The following COPG2 variants were observed in gnomAD, a reference collection of about 807,000 sequenced individuals.
The protein encoded by COPG2 is coat protein complex I subunit gamma 2.
Under a neutral mutation model 46.3 loss-of-function variants are expected in COPG2, and 37 were observed. That is an observed-to-expected ratio of 0.80 (90% CI 0.61 to 1.05). The LOEUF (loss-of-function observed/expected upper bound fraction) is 1.05. COPG2 is among the 50% of genes least tolerant of loss of function. The probability of loss-of-function intolerance (pLI) is 0.00; values close to 1 mark genes in which losing one functional copy is unlikely to be tolerated. For synonymous variants in COPG2, 159 were observed against 129.7 expected (o/e 1.23, Z -1.53); for missense variants, 427 against 387.8 (o/e 1.10, Z -0.85).
chr7:130,549,616 G>A (rs1045624203), intron 17 of COPG2, among the ~76,000 whole-genome samples: 1 of 152,136 alleles, frequency 6.6e-6, no homozygotes, highest in African/African-American at 2.4e-5. Flanking sequence ...GCTTTAAATG[G>A]ACTGGAATGT....
rs1267044664 is a variant in COPG2 at position 130,606,992 on chromosome 7, G to T, written c.737+3961C>A. 5.3e-5 allele frequency among the ~76,000 whole-genome samples: 8 copies of T among 152,194 alleles called. No individual in the cohort carries two copies. The South Asian group carries it at 1.7e-3, about 32-fold the overall frequency. On this transcript the variant is annotated intron_variant, in intron 9 of 23. Coordinates refer to ENST00000425248, the MANE Select transcript of COPG2 (RefSeq NM_012133.6). ...GTGGTGGTGCACACCTATAATACCAGCACTTTGGGAGGCTGAGGCAGATTG... is the reference window on the plus strand; with the variant it reads ...GTGGTGGTGCACACCTATAATACCATCACTTTGGGAGGCTGAGGCAGATTG...
At chr7:130,617,903 C>A (rs1554453120) in intron 5 of COPG2, among the ~76,000 whole-genome samples, 1 of 151,810 alleles carries the variant, frequency 6.6e-6, no homozygotes, top group Admixed American at 6.6e-5. Context: ...GAGTGCAAGA[C>A]CAGCCTGGGA....
chr7:130,606,995 C>T (rs1794745465), intron 9 of COPG2, among the ~76,000 whole-genome samples: 1 of 152,026 alleles, frequency 6.6e-6, no homozygotes, highest in South Asian at 2.1e-4. Context: ...AATACCAGCA[C>T]TTTGGGAGGC....
chr7:130,595,807 C>T (rs1256411318), intron 9 of COPG2, among the ~76,000 whole-genome samples: 4 of 152,136 alleles, frequency 2.6e-5, no homozygotes, highest in African/African-American at 9.7e-5. Flanking sequence ...TTGGGGACCC[C>T]CCCCCTCCAG....
intron 12 of COPG2, among the ~76,000 whole-genome samples, chr7:130,556,761 T>A (rs1318444743): frequency 6.6e-6 from 1 of 152,090 alleles, no homozygotes; most frequent in Non-Finnish European, 1.5e-5. Context: ...TAACATCACA[T>A]TCATGAGTCA....
intron 20 of COPG2, among the ~76,000 whole-genome samples, chr7:130,542,028 G>A (rs1292657357): frequency 8.0e-6 from 1 of 125,402 alleles, no homozygotes; most frequent in Non-Finnish European, 1.6e-5. Flanking sequence ...GAGCAGGACA[G>A]AGGAGAGGTG....
At chr7:130,635,401 C>T (rs1186913769) in intron 5 of COPG2, among the ~76,000 whole-genome samples, 1 of 151,962 alleles carries the variant, frequency 6.6e-6, no homozygotes, top group Non-Finnish European at 1.5e-5. Context: ...TGTTATTGGT[C>T]TATTCAGGGA....
chr7:130,611,175 T>A, intron 8 of COPG2, 65 bp from the exon 9 acceptor site: 10 of 1,429,024 alleles, frequency 7.0e-6, no homozygotes, highest in Non-Finnish European at 8.7e-6. Context: ...TACACAAAAA[T>A]AGAATTACAC....
intron 20 of COPG2, among the ~76,000 whole-genome samples, chr7:130,526,127 G>A (rs1239066336): frequency 8.6e-5 from 13 of 152,044 alleles, no homozygotes; most frequent in African/African-American, 1.7e-4. Flanking sequence ...TTCTTGATGG[G>A]ACAGAAAGAA....
rs926639191 is a variant in COPG2 at position 130,619,308 on chromosome 7, T to C, written c.324-2243A>G. Among the ~76,000 whole-genome samples the C allele has an allele frequency of 7.9e-5, 12 of 152,322 alleles. No homozygotes were observed. In the East Asian group the frequency reaches 2.3e-3, roughly 29 times the overall value. ...GTTCACTATAATAGCCATATGTATCTAATGGCTATCTTATTGGACAATACA... is the reference window on the plus strand; with the variant it reads ...GTTCACTATAATAGCCATATGTATCCAATGGCTATCTTATTGGACAATACA... On this transcript the variant is annotated intron_variant, in intron 5 of 23. Transcript: ENST00000425248.
chr7:130,659,786 C>T (rs1350276722), intron 4 of COPG2, among the ~76,000 whole-genome samples: 3 of 152,036 alleles, frequency 2.0e-5, no homozygotes, highest in African/African-American at 7.2e-5. Flanking sequence ...GTGGCACGTG[C>T]CCACAGTCCC....
At chr7:130,663,585 A>G (rs1796018818) in intron 3 of COPG2, among the ~76,000 whole-genome samples, 2 of 152,210 alleles carry the variant, frequency 1.3e-5, no homozygotes, top group African/African-American at 4.8e-5. Flanking sequence ...ATGTAGCTCA[A>G]TATTGGTTCA....
chr7:130,507,934 A>G (rs1389982441), intron 21 of COPG2, 111 bp from the exon 22 acceptor site: 2 of 682,192 alleles, frequency 2.9e-6, no homozygotes, highest in Admixed American at 4.7e-5. Context: ...TACCACCAAA[A>G]TAGTTTAAGT....
intron 5 of COPG2, among the ~76,000 whole-genome samples, chr7:130,618,860 A>G (rs1305295373): frequency 6.6e-6 from 1 of 152,022 alleles, no homozygotes; most frequent in African/African-American, 2.4e-5. Context: ...CTCCTTCAAA[A>G]CTTTTTGCAT....
At chr7:130,521,729 T>G (rs1370488939) in intron 20 of COPG2, among the ~76,000 whole-genome samples, 1 of 152,100 alleles carries the variant, frequency 6.6e-6, no homozygotes, top group African/African-American at 2.4e-5. Context: ...CAGAGTAACT[T>G]AAGTAAACAC....
intron 20 of COPG2, among the ~76,000 whole-genome samples, chr7:130,531,866 G>A (rs1338758364): frequency 6.6e-6 from 1 of 151,970 alleles, no homozygotes; most frequent in Non-Finnish European, 1.5e-5. Context: ...CCGAGGGAGG[G>A]CTGGGGGCAC....
intron 5 of COPG2, among the ~76,000 whole-genome samples, chr7:130,637,788 T>C (rs1163300370): frequency 1.3e-5 from 2 of 152,146 alleles, no homozygotes; most frequent in African/African-American, 2.4e-5. Flanking sequence ...TTGTGATCCT[T>C]TGGAGAAGAG....
intron 16 of COPG2, among the ~76,000 whole-genome samples, chr7:130,550,985 G>A (rs1159366702): frequency 1.3e-5 from 2 of 152,128 alleles, no homozygotes; most frequent in Non-Finnish European, 2.9e-5. Context: ...GGAGTTCAAG[G>A]AGAACCAGGA....
intron 5 of COPG2, among the ~76,000 whole-genome samples, chr7:130,625,852 T>C (rs1795111233): frequency 6.6e-6 from 1 of 152,146 alleles, no homozygotes; most frequent in Middle Eastern, 3.2e-3. Flanking sequence ...CTTTACCTAG[T>C]TTTTTTGAGC....
Sources: allele counts gnomAD v4.1 joint callset (sites outside exome capture counted in the v4.1 genomes callset), GRCh38; gene constraint gnomAD v4.1.1; transcripts MANE v1.5; gene names NCBI Gene and HGNC (gene_info 2026-07-23, HGNC 2026-07-21).